Variants in ABCA9 observed in about 807,000 individuals in gnomAD.
The protein encoded by ABCA9 is ATP-binding cassette sub-family A member 9.
Under a neutral mutation model 205.3 loss-of-function variants are expected in ABCA9, and 183 were observed. The ratio of observed to expected loss-of-function variants is 0.89; its 90% CI spans 0.79 to 1.01. The LOEUF (loss-of-function observed/expected upper bound fraction) is 1.01, where lower values mean the gene tolerates loss of function less well. Ranked by LOEUF, ABCA9 falls within the 50% of genes least tolerant of loss-of-function variation. The pLI is 0.00. For missense variants in ABCA9, 1,805 were observed against 1,912.4 expected (o/e 0.94, Z 1.05); for synonymous variants, 651 against 683.3 (o/e 0.95, Z 0.74).
Position 68,986,126 on chromosome 17 carries a change from C to T in ABCA9, c.4208+38G>A, listed in dbSNP as rs559066725. ...GTGTGTATGTTATTAATACAACATCCCCTCCAGCAAAGGGGAGTGCCCCCC... is the reference window on the plus strand; with the variant it reads ...GTGTGTATGTTATTAATACAACATCTCCTCCAGCAAAGGGGAGTGCCCCCC... On this transcript the variant is annotated intron_variant, in intron 32 of 38. Transcript: ENST00000340001. 3.1e-5 allele frequency: 48 copies of T among 1,562,588 alleles called. No individual in the cohort carries two copies. The South Asian group carries it at 5.5e-4, about 18-fold the overall frequency.
intron 25 of ABCA9, among the ~76,000 whole-genome samples, chr17:69,004,202 TAG>T (rs1322546023): frequency 1.3e-5 from 2 of 152,230 alleles, no homozygotes; most frequent in Non-Finnish European, 2.9e-5. Context: ...CTCTGATTTT[TAG>T]AGTTTCCAGT....
At chr17:69,064,849 G>A (rs2072329703), upstream of ABCA9, among the ~76,000 whole-genome samples, 1 of 151,846 alleles carries the variant, frequency 6.6e-6, no homozygotes, top group African/African-American at 2.4e-5. Context: ...TATACTTTTT[G>A]GCCATTTGTA....
At chr17:69,044,992 AC>A (rs1342889867) in intron 4 of ABCA9, among the ~76,000 whole-genome samples, 179 bp downstream of exon 4, 1 of 152,304 alleles carries the variant, frequency 6.6e-6, no homozygotes, top group African/African-American at 2.4e-5. Context: ...TCTTAATAAA[AC>A]AATGTACTTA....
intron 13 of ABCA9, 39 bp from the exon 14 acceptor site, chr17:69,027,488 G>A (rs1039284151): frequency 8.2e-6 from 13 of 1,578,008 alleles, no homozygotes; most frequent in Non-Finnish European, 1.1e-5. Flanking sequence ...AACCCAGAAA[G>A]TTTATTTTAA....
chr17:69,060,403 A>G (rs575497113), intron 1 of ABCA9, among the ~76,000 whole-genome samples: 1 of 152,308 alleles, frequency 6.6e-6, no homozygotes. Flanking sequence ...AACAAGATCA[A>G]TAAAAATCTT....
At chr17:68,995,045 T>A (rs924214338) in intron 26 of ABCA9, among the ~76,000 whole-genome samples, 2 of 152,218 alleles carry the variant, frequency 1.3e-5, no homozygotes, top group African/African-American at 4.8e-5. Flanking sequence ...TACTGTGCTT[T>A]TGCATTGACA....
chr17:69,034,005 A>T, intron 8 of ABCA9, 132 bp from the exon 9 acceptor site: 1 of 695,306 alleles, frequency 1.4e-6, no homozygotes, highest in Non-Finnish European at 2.3e-6. Flanking sequence ...AGCTCTGTCT[A>T]CTATTATAGA....
At chr17:69,028,713 G>C (rs1281928276) in intron 11 of ABCA9, 68 bp from the exon 12 acceptor site, 1 of 908,898 alleles carries the variant, frequency 1.1e-6, no homozygotes, top group Non-Finnish European at 1.6e-6. Context: ...TGAAACTGTT[G>C]TAATTTTTTG....
intron 18 of ABCA9, 63 bp from the exon 19 acceptor site, chr17:69,020,649 T>C: frequency 6.7e-7 from 1 of 1,489,882 alleles, no homozygotes; most frequent in Non-Finnish European, 9.2e-7. Context: ...TAGCTTTTCC[T>C]ATGATAAATT....
upstream of ABCA9, among the ~76,000 whole-genome samples, chr17:69,062,657 C>T (rs1347755974): frequency 1.3e-5 from 2 of 152,050 alleles, no homozygotes; most frequent in African/African-American, 4.8e-5. Context: ...ACTACAGGCA[C>T]CTGCCACCAC....
At chr17:69,016,500 G>A (rs761941278) in intron 21 of ABCA9, 110 bp from the exon 22 acceptor site, 6 of 942,502 alleles carry the variant, frequency 6.4e-6, no homozygotes, top group Non-Finnish European at 6.0e-6. Flanking sequence ...TAAGTCCCAA[G>A]CACTGAATGT....
chr17:69,013,156 T>TTGTGAACAGTGC (rs1555631716), intron 22 of ABCA9, among the ~76,000 whole-genome samples: 1 of 152,102 alleles, frequency 6.6e-6, no homozygotes, highest in African/African-American at 2.4e-5. Context: ...ATCTTGGCTA[T>TTGTGAACAGTGC]TGTGAACAGT....
At chr17:68,981,924 G>T (rs750129371) in intron 37 of ABCA9, among the ~76,000 whole-genome samples, 2 of 148,674 alleles carry the variant, frequency 1.3e-5, no homozygotes, top group Non-Finnish European at 2.9e-5. Flanking sequence ...CTCAAGAAGG[G>T]GCATGAGGTT....
At chr17:68,987,369 T>A (rs566872518) in intron 31 of ABCA9, among the ~76,000 whole-genome samples, 3 of 152,310 alleles carry the variant, frequency 2.0e-5, no homozygotes, top group African/African-American at 7.2e-5. Context: ...AAAATATAAG[T>A]AGTAAGTAAA....
At chr17:68,998,031 T>C (rs548517160) in intron 25 of ABCA9, among the ~76,000 whole-genome samples, 5 of 152,356 alleles carry the variant, frequency 3.3e-5, no homozygotes, top group African/African-American at 9.6e-5. Flanking sequence ...GTTGTAATCA[T>C]ACAGTGTGTA....
chr17:68,988,824 A>G (rs1436341878), intron 31 of ABCA9, among the ~76,000 whole-genome samples: 1 of 152,224 alleles, frequency 6.6e-6, no homozygotes, highest in Non-Finnish European at 1.5e-5. Flanking sequence ...TTTTCACTCA[A>G]TAAAAGGCAT....
the ABCA9 span, among the ~76,000 whole-genome samples, chr17:69,071,775 G>A: frequency 5.3e-5 from 8 of 152,292 alleles, no homozygotes; most frequent in East Asian, 1.5e-3. Flanking sequence ...GGCTTCAGAA[G>A]ATGGGTAATA....
chr17:68,984,318 G>T, intron 34 of ABCA9, 143 bp from the exon 35 acceptor site: 2 of 1,103,182 alleles, frequency 1.8e-6, no homozygotes, highest in Non-Finnish European at 2.6e-6. Context: ...AGGGATGACA[G>T]GCACGGAAAC....
At chr17:69,037,784 T>G (rs1418481186) in intron 6 of ABCA9, among the ~76,000 whole-genome samples, 1 of 152,016 alleles carries the variant, frequency 6.6e-6, no homozygotes, top group African/African-American at 2.4e-5. Flanking sequence ...CAGGAGCTGT[T>G]TTTTTTAAAA....
Sources: allele counts gnomAD v4.1 joint callset (sites outside exome capture counted in the v4.1 genomes callset), GRCh38; gene constraint gnomAD v4.1.1; transcripts MANE v1.5; gene names NCBI Gene and HGNC (gene_info 2026-07-23, HGNC 2026-07-21).